COL28A1: variants seen among roughly 807,000 people sequenced by gnomAD.
COL28A1 encodes collagen type XXVIII alpha 1 chain.
A neutral mutation model predicts 150.2 loss-of-function variants in COL28A1; 161 were observed. The ratio of observed to expected loss-of-function variants is 1.07; its 90% CI spans 0.94 to 1.22. COL28A1 has a LOEUF of 1.22. COL28A1 is among the 50% of genes most tolerant of loss of function. The pLI, the probability that COL28A1 is intolerant of heterozygous loss-of-function variation, is 0.00. For synonymous variants in COL28A1, 552 were observed against 469.7 expected (o/e 1.18, Z -2.26); for missense variants, 1,617 against 1,388.3 (o/e 1.16, Z -2.62).
At chr7:7,514,528 T>C (rs1025533750) in intron 8 of COL28A1, among the ~76,000 whole-genome samples, 1 of 152,236 alleles carries the variant, frequency 6.6e-6, no homozygotes, top group Non-Finnish European at 1.5e-5. Context: ...ATATATTTAT[T>C]GGCTTACATG....
intron 33 of COL28A1, among the ~76,000 whole-genome samples, chr7:7,366,748 G>C (rs772179280): frequency 1.3e-4 from 20 of 152,200 alleles, no homozygotes; most frequent in Non-Finnish European, 2.6e-4. Flanking sequence ...CAGTGAAAAG[G>C]AAGAGACAAC....
intron 27 of COL28A1, among the ~76,000 whole-genome samples, chr7:7,391,906 A>G (rs139566091): frequency 0.022 from 3,392 of 151,318 alleles, 129 homozygotes; most frequent in African/African-American, 0.079. Context: ...TCTCCTGAAT[A>G]CAACACACTG....
the COL28A1 span, among the ~76,000 whole-genome samples, chr7:7,346,791 AAGAT>A: frequency 6.6e-6 from 1 of 152,096 alleles, no homozygotes; most frequent in African/African-American, 2.4e-5. Flanking sequence ...GGGCTTAAGA[AAGAT>A]ATTCATTAAT....
chr7:7,369,628 A>G (rs1177117022), intron 33 of COL28A1, among the ~76,000 whole-genome samples: 3 of 152,218 alleles, frequency 2.0e-5, no homozygotes, highest in Admixed American at 6.5e-5. Flanking sequence ...AATATGTTAG[A>G]GGCCTTTCTG....
intron 27 of COL28A1, among the ~76,000 whole-genome samples, chr7:7,390,879 T>C (rs553784977): frequency 6.6e-6 from 1 of 152,326 alleles, no homozygotes; most frequent in Admixed American, 6.5e-5. Context: ...GATTCTTCTC[T>C]CTTTTATTGG....
intron 13 of COL28A1, among the ~76,000 whole-genome samples, chr7:7,487,021 C>T (rs1779661038): frequency 6.6e-6 from 1 of 152,006 alleles, no homozygotes; most frequent in Non-Finnish European, 1.5e-5. Flanking sequence ...TTTACTGTAT[C>T]CATAATGTTT....
chr7:7,517,947 T>G, intron 6 of COL28A1, 110 bp from the exon 7 acceptor site: 1 of 1,420,736 alleles, frequency 7.0e-7, no homozygotes. Flanking sequence ...AGGAAACATC[T>G]TTAGTCTTTC....
Position 7,491,007 on chromosome 7 carries a change from AC to A in COL28A1, c.1027-362del, listed in dbSNP as rs1202634598. Among the ~76,000 whole-genome samples the A allele has an allele frequency of 4.6e-5, 7 of 152,314 alleles. No individual in the cohort carries two copies. The East Asian group carries it at 1.2e-3, about 25-fold the overall frequency. On this transcript the variant is annotated intron_variant, in intron 11 of 34. Coordinates refer to ENST00000399429, the MANE Select transcript of COL28A1 (RefSeq NM_001037763.3). ...AATGTGTTTATGGAGGAAGGGGCCCACAAAGTCAAGTGTTTTCAGGATCCAT... is the reference window on the plus strand; with the variant it reads ...AATGTGTTTATGGAGGAAGGGGCCCAAAAGTCAAGTGTTTTCAGGATCCAT...
chr7:7,339,782 C>T, the COL28A1 span, among the ~76,000 whole-genome samples: 24 of 152,208 alleles, frequency 1.6e-4, no homozygotes, highest in African/African-American at 4.3e-4. Context: ...AGAAATAGTA[C>T]ATACTGGACG....
chr7:7,397,454 T>C (rs1219982049), intron 27 of COL28A1, among the ~76,000 whole-genome samples: 2 of 152,200 alleles, frequency 1.3e-5, no homozygotes, highest in Non-Finnish European at 2.9e-5. Context: ...TGGACGTCTT[T>C]GAGAACCATT....
chr7:7,522,084 A>G (rs1165185635), intron 4 of COL28A1, 123 bp from the exon 5 acceptor site: 1 of 721,392 alleles, frequency 1.4e-6, no homozygotes, highest in Non-Finnish European at 2.5e-6. Flanking sequence ...AGCATTTCAA[A>G]TTGTATTCAG....
intron 13 of COL28A1, among the ~76,000 whole-genome samples, chr7:7,484,183 TA>T (rs966569933): frequency 5.3e-5 from 8 of 150,508 alleles, no homozygotes; most frequent in South Asian, 2.1e-4. Flanking sequence ...ATCTAAAGAA[TA>T]AAAAAAAATT....
chr7:7,441,270 TA>T (rs965626765), intron 20 of COL28A1, among the ~76,000 whole-genome samples: 2 of 152,154 alleles, frequency 1.3e-5, no homozygotes, highest in African/African-American at 4.8e-5. Context: ...TGAGACATTT[TA>T]AAAATCACAG....
At chr7:7,487,150 T>C (rs1349789326) in intron 13 of COL28A1, among the ~76,000 whole-genome samples, 1 of 148,608 alleles carries the variant, frequency 6.7e-6, no homozygotes, top group Admixed American at 6.8e-5. Flanking sequence ...AATATTTCAT[T>C]ATTTAAAAAA....
chr7:7,380,855 T>C lies in COL28A1; in HGVS notation c.2213A>G (p.His738Arg). The C allele has an allele frequency of 3.7e-6, 6 of 1,613,228 alleles. No individual in the cohort carries two copies. The highest frequency in any genetic ancestry group is 1.1e-5 in the South Asian group (1 of 91,060). ...CTTTCCCACATCGCCCCGTTCTCCG[T>C]GCTCTCCCTTTACACAATAGGGTAA... is the stretch of plus-strand genomic sequence containing the variant. ...GHGLPGQKGEHGERGDVGKKG... is the reference protein window; with the variant it reads ...GHGLPGQKGERGERGDVGKKG... The change falls in exon 29 of 35, where the codon CAC becomes CGC. Residue 738 changes from histidine to arginine, a missense_variant. Coordinates refer to ENST00000399429, the MANE Select transcript of COL28A1 (RefSeq NM_001037763.3).
intron 27 of COL28A1, among the ~76,000 whole-genome samples, chr7:7,414,460 C>T (rs1349342582): frequency 6.6e-6 from 1 of 152,202 alleles, no homozygotes; most frequent in Non-Finnish European, 1.5e-5. Flanking sequence ...CACTTCAGGG[C>T]AGAGCCAGTT....
chr7:7,463,096 TG>T (rs1156901147), intron 15 of COL28A1, among the ~76,000 whole-genome samples: 1 of 151,880 alleles, frequency 6.6e-6, no homozygotes, highest in Admixed American at 6.6e-5. Flanking sequence ...TCTAAAAGTT[TG>T]AAAAATATAT....
chr7:7,385,407 A>G (rs771292447), intron 27 of COL28A1, among the ~76,000 whole-genome samples: 20 of 152,346 alleles, frequency 1.3e-4, no homozygotes, highest in South Asian at 2.1e-4. Context: ...CTGAAAGGAC[A>G]GAACAGTGTG....
At chr7:7,379,904 T>G (rs553818123) in intron 30 of COL28A1, among the ~76,000 whole-genome samples, 1 of 152,168 alleles carries the variant, frequency 6.6e-6, no homozygotes. Flanking sequence ...CATGTGCAGT[T>G]CTGTTGGTCA....
Sources: allele counts gnomAD v4.1 joint callset (sites outside exome capture counted in the v4.1 genomes callset), GRCh38; gene constraint gnomAD v4.1.1; transcripts MANE v1.5; gene names NCBI Gene and HGNC (gene_info 2026-07-23, HGNC 2026-07-21).